Variants in ACACA observed in about 807,000 individuals in gnomAD.
ACACA encodes the protein acetyl-CoA carboxylase 1.
Under a neutral mutation model 296.1 loss-of-function variants are expected in ACACA, and 103 were observed. That is an observed-to-expected ratio of 0.35 (90% CI 0.30 to 0.41). The LOEUF (loss-of-function observed/expected upper bound fraction) is 0.41, where lower values mean the gene tolerates loss of function less well. Among genes scored for constraint, ACACA ranks in the 10% least tolerant of loss-of-function variants. The probability of loss-of-function intolerance (pLI) is 1.00; values close to 1 mark genes in which losing one functional copy is unlikely to be tolerated. For synonymous variants in ACACA, 953 were observed against 1,038.6 expected, an observed-to-expected ratio of 0.92 and a Z score of 1.58; for missense variants, 1,554 against 2,989.7, an observed-to-expected ratio of 0.52 and a Z score of 11.20.
chr17:37,157,966 G>A (rs1457435496), intron 42 of ACACA, among the ~76,000 whole-genome samples: 5 of 152,202 alleles, frequency 3.3e-5, no homozygotes, highest in African/African-American at 4.8e-5. Flanking sequence ...GCTACTGCTA[G>A]TAAGTAGCTG....
intron 5 of ACACA, among the ~76,000 whole-genome samples, chr17:37,280,346 C>T (rs1357004530): frequency 6.6e-6 from 1 of 152,068 alleles, no homozygotes; most frequent in Non-Finnish European, 1.5e-5. Context: ...GTAGCTGAGA[C>T]TACCGGCATG....
rs140365002 is a variant in ACACA at position 37,377,659 on chromosome 17, C to CAATAAATA, written c.38+28595_38+28602dup. Among the ~76,000 whole-genome samples, 552 of 143,626 alleles carry CAATAAATA rather than the reference C, an allele frequency of 3.8e-3. 1 individual carries two copies. Among genetic ancestry groups the CAATAAATA allele is most frequent in the Middle Eastern group, 6.9e-3 (2 of 288 alleles). The allele number at this position is 143,626 out of a possible 152,430, so 94.2% of individuals were successfully genotyped here. A position where few individuals can be genotyped will look rare whatever the true frequency, so the allele number is the denominator to read the frequency against. On this transcript the variant is annotated intron_variant, in intron 1 of 55. Coordinates refer to ENST00000616317, the MANE Select transcript of ACACA (RefSeq NM_198834.3). ...TGGGCGACAGAGTGAGACTCCGTCT[C>CAATAAATA]AATAAATAAATAAATAAATAAATAA...
At chr17:37,393,595 C>A (rs1226480450) in intron 1 of ACACA, among the ~76,000 whole-genome samples, 1 of 152,118 alleles carries the variant, frequency 6.6e-6, no homozygotes, top group East Asian at 1.9e-4. Context: ...GTAATCCTAG[C>A]ACCTTGGGAG....
chr17:37,376,247 C>A lies in ACACA; in HGVS notation c.38+30015G>T, dbSNP rs116383361. ...CACCAGATAGAGATGTAGCTGATAT[C>A]CAGCAAGCAATACTTTCCAGAGTTA... On this transcript the variant is annotated intron_variant, in intron 1 of 55. Coordinates refer to ENST00000616317, the MANE Select transcript of ACACA (RefSeq NM_198834.3). The A allele has an allele frequency of 4.3e-3, 4,354 of 1,018,834 alleles. 115 individuals carry two copies. In the African/African-American group the frequency reaches 0.06, roughly 14 times the overall value. The allele number at this position is 1,018,834 out of a possible 1,614,324, so 63.1% of individuals were successfully genotyped here.
intron 36 of ACACA, among the ~76,000 whole-genome samples, chr17:37,192,784 TA>T (rs922896662): frequency 4.0e-5 from 6 of 151,864 alleles, no homozygotes; most frequent in African/African-American, 1.4e-4. Flanking sequence ...TACAATTTTT[TA>T]ATTAAAGAGA....
intron 45 of ACACA, among the ~76,000 whole-genome samples, chr17:37,143,298 T>G (rs2075675130): frequency 6.7e-6 from 1 of 150,054 alleles, no homozygotes; most frequent in Non-Finnish European, 1.5e-5. Flanking sequence ...TTTTTTTTTT[T>G]GCAATTACAG....
intron 41 of ACACA, chr17:37,163,210 A>AAAAAAAAAAAAAAAAAAAAAAAAAAC: frequency 6.7e-6 from 1 of 149,956 alleles, no homozygotes; most frequent in African/African-American, 2.5e-5. Flanking sequence ...AAAAAAAAAA[A>AAAAAAAAAAAAAAAAAAAAAAAAAAC]AAAAAAGAGT....
intron 47 of ACACA, among the ~76,000 whole-genome samples, chr17:37,128,898 G>A (rs970351591): frequency 3.3e-5 from 5 of 152,228 alleles, no homozygotes; most frequent in Admixed American, 1.3e-4. Context: ...CAGCGTGGGT[G>A]CTCAGAGCTT....
At chr17:37,370,707 G>A (rs1253110289) in intron 1 of ACACA, among the ~76,000 whole-genome samples, 1 of 151,426 alleles carries the variant, frequency 6.6e-6, no homozygotes, top group Non-Finnish European at 1.5e-5. Context: ...ATTAGGCCAG[G>A]TACGGTGACT....
intron 24 of ACACA, among the ~76,000 whole-genome samples, chr17:37,240,053 G>A (rs1245426599): frequency 6.6e-6 from 1 of 152,180 alleles, no homozygotes; most frequent in Non-Finnish European, 1.5e-5. Flanking sequence ...AAAAGTATTG[G>A]AAAACCTGAA....
chr17:37,156,595 A>G (rs1567735215), intron 42 of ACACA, among the ~76,000 whole-genome samples: 1 of 152,224 alleles, frequency 6.6e-6, no homozygotes, highest in Non-Finnish European at 1.5e-5. Flanking sequence ...CTGAACTCAG[A>G]TCTTTTGTTT....
At chr17:37,303,655 C>G (rs545193257) in intron 3 of ACACA, among the ~76,000 whole-genome samples, 25 of 152,272 alleles carry the variant, frequency 1.6e-4, no homozygotes, top group African/African-American at 6.0e-4. Flanking sequence ...ATCAGGAGTT[C>G]AAGACCGGCC....
chr17:37,099,969 G>C (rs1308674625), intron 52 of ACACA, among the ~76,000 whole-genome samples: 5 of 152,062 alleles, frequency 3.3e-5, no homozygotes, highest in Non-Finnish European at 7.4e-5. Context: ...CCAATTCTGG[G>C]ACAATGAACA....
intron 3 of ACACA, among the ~76,000 whole-genome samples, chr17:37,296,324 G>A (rs1304241968): frequency 1.2e-4 from 4 of 32,686 alleles, no homozygotes; most frequent in Non-Finnish European, 2.5e-4. Context: ...TTTTTTTTTT[G>A]AGACAGAGTC....
At chr17:37,280,585 T>G (rs1220162458) in intron 5 of ACACA, among the ~76,000 whole-genome samples, 3 of 152,100 alleles carry the variant, frequency 2.0e-5, no homozygotes, top group African/African-American at 7.2e-5. Flanking sequence ...AAGAATAATA[T>G]GGTATCAAGG....
intron 1 of ACACA, among the ~76,000 whole-genome samples, chr17:37,389,911 G>C (rs944783324): frequency 2.0e-5 from 3 of 149,724 alleles, no homozygotes; most frequent in African/African-American, 7.4e-5. Flanking sequence ...GATACAATAG[G>C]GTGCTTATTG....
chr17:37,312,208 TA>T (rs2084184623), intron 3 of ACACA, among the ~76,000 whole-genome samples: 1 of 151,836 alleles, frequency 6.6e-6, no homozygotes, highest in African/African-American at 2.4e-5. Context: ...GAGACACAAA[TA>T]GAATGATCAA....
At chr17:37,099,913 C>T (rs1391855363) in intron 52 of ACACA, among the ~76,000 whole-genome samples, 1 of 152,094 alleles carries the variant, frequency 6.6e-6, no homozygotes, top group Non-Finnish European at 1.5e-5. Context: ...ACGATTGAGA[C>T]ATGTTAGAAA....
intron 1 of ACACA, among the ~76,000 whole-genome samples, chr17:37,373,492 C>G (rs956764394): frequency 3.9e-5 from 6 of 152,040 alleles, no homozygotes; most frequent in Admixed American, 3.3e-4. Flanking sequence ...AGTGTCCACC[C>G]GCCTTGGCCT....
Sources: allele counts gnomAD v4.1 joint callset (sites outside exome capture counted in the v4.1 genomes callset), GRCh38; gene constraint gnomAD v4.1.1; transcripts MANE v1.5; gene names NCBI Gene and HGNC (gene_info 2026-07-23, HGNC 2026-07-21).